Variants in HAT1 observed in about 807,000 individuals in gnomAD.
HAT1 encodes histone acetyltransferase type B catalytic subunit.
In HAT1, 20 loss-of-function variants were observed where a neutral mutation model predicts 56.6. That is an observed-to-expected ratio of 0.35 (90% CI 0.25 to 0.51). HAT1 has a LOEUF of 0.51. Among genes scored for constraint, HAT1 ranks in the 20% least tolerant of loss-of-function variants. The probability of loss-of-function intolerance (pLI) is 0.95; values close to 1 mark genes in which losing one functional copy is unlikely to be tolerated. For synonymous variants in HAT1, 146 were observed against 165.5 expected, an observed-to-expected ratio of 0.88 and a Z score of 0.91; for missense variants, 408 against 504.3, an observed-to-expected ratio of 0.81 and a Z score of 1.83.
intron 8 of HAT1, among the ~76,000 whole-genome samples, chr2:171,975,512 G>T (rs62183765): frequency 0.18 from 27,563 of 152,112 alleles, 2,865 homozygotes; most frequent in Non-Finnish European, 0.24. Context: ...ACTTGTCTTT[G>T]TGGGAAGATT....
chr2:171,970,629 C>T (rs1033027735), intron 8 of HAT1, among the ~76,000 whole-genome samples: 2 of 145,690 alleles, frequency 1.4e-5, no homozygotes, highest in Admixed American at 1.4e-4. Context: ...AAGCAATTCT[C>T]CTGCCTCAGC....
rs765177510 is a variant in HAT1 at position 171,983,242 on chromosome 2, A to G, written c.1150A>G (p.Asn384Asp). Residue 384 changes from asparagine to aspartate, a missense_variant, in exon 11 of 11, where the codon AAC becomes GAC. Coordinates refer to ENST00000264108, the MANE Select transcript of HAT1 (RefSeq NM_003642.4). ...RKCLRPEELT[N>D]QMNQIEISMQ... Reference sequence around the variant, plus strand: ...ATGTCTCAGACCAGAAGAACTGACAAACCAGATGAACCAAATAGAAATAAG... The same window carrying G: ...ATGTCTCAGACCAGAAGAACTGACAGACCAGATGAACCAAATAGAAATAAG... The G allele has an allele frequency of 6.2e-7, 1 of 1,603,590 alleles. No homozygotes were observed. The highest frequency in any genetic ancestry group is 1.1e-5 in the South Asian group (1 of 90,334).
chr2:171,929,175 T>C (rs2105964054), intron 2 of HAT1, among the ~76,000 whole-genome samples: 1 of 152,364 alleles, frequency 6.6e-6, no homozygotes, highest in East Asian at 1.9e-4. Flanking sequence ...TTCATAGTGG[T>C]TGTAAAGATT....
chr2:171,969,000 G>A (rs1574062396), intron 8 of HAT1, among the ~76,000 whole-genome samples: 3 of 152,284 alleles, frequency 2.0e-5, no homozygotes, highest in African/African-American at 7.2e-5. Context: ...ATGGGTGTTT[G>A]TGGTATAATT....
chr2:171,939,241 G>A (rs1364589705), intron 2 of HAT1, among the ~76,000 whole-genome samples: 1 of 152,216 alleles, frequency 6.6e-6, no homozygotes, highest in African/African-American at 2.4e-5. Context: ...CCAGCTGGAA[G>A]TAAGAGGACC....
At chr2:171,944,154 A>T (rs1687099191) in intron 2 of HAT1, among the ~76,000 whole-genome samples, 1 of 152,116 alleles carries the variant, frequency 6.6e-6, no homozygotes, top group Admixed American at 6.5e-5. Context: ...AAAAAAAAAA[A>T]AAAATACTTA....
chr2:171,937,403 C>T (rs1686897575), intron 2 of HAT1, among the ~76,000 whole-genome samples: 2 of 151,942 alleles, frequency 1.3e-5, no homozygotes, highest in Admixed American at 1.3e-4. Context: ...GACAGGGACA[C>T]AAAGATTGGA....
At chr2:171,933,760 A>G (rs1365150227) in intron 2 of HAT1, among the ~76,000 whole-genome samples, 2 of 152,208 alleles carry the variant, frequency 1.3e-5, no homozygotes, top group East Asian at 3.8e-4. Context: ...AAGGTCAGAC[A>G]ATATAGTCTT....
At chr2:171,957,239 A>G (rs1227572183) in intron 4 of HAT1, among the ~76,000 whole-genome samples, 1 of 152,212 alleles carries the variant, frequency 6.6e-6, no homozygotes, top group Non-Finnish European at 1.5e-5. Context: ...AAGTGGAAGA[A>G]TGACTCTGAG....
intron 4 of HAT1, 145 bp from the exon 5 acceptor site, chr2:171,965,193 C>T: frequency 1.7e-6 from 1 of 587,142 alleles, no homozygotes; most frequent in Non-Finnish European, 3.1e-6. Flanking sequence ...GAAGCTCATC[C>T]TTTTCCAATT....
At chr2:171,966,715 G>A (rs1320066299) in intron 7 of HAT1, 128 bp from the exon 8 acceptor site, 2 of 629,236 alleles carry the variant, frequency 3.2e-6, no homozygotes, top group South Asian at 2.0e-5. Flanking sequence ...TAATTTTTGG[G>A]TATCTCAAAG....
intron 10 of HAT1, among the ~76,000 whole-genome samples, chr2:171,982,554 G>T (rs958552967): frequency 5.3e-5 from 8 of 152,122 alleles, no homozygotes; most frequent in Non-Finnish European, 1.0e-4. Flanking sequence ...CATAAAAGTT[G>T]TTATCAGCTA....
At chr2:171,940,862 G>C (rs1470028797) in intron 2 of HAT1, among the ~76,000 whole-genome samples, 1 of 152,148 alleles carries the variant, frequency 6.6e-6, no homozygotes. Flanking sequence ...GGCAGTCTTA[G>C]AGTCTTCTGC....
intron 2 of HAT1, among the ~76,000 whole-genome samples, chr2:171,930,581 A>G (rs1003224848): frequency 1.3e-5 from 2 of 152,224 alleles, no homozygotes; most frequent in African/African-American, 4.8e-5. Context: ...GTATTCTGCA[A>G]CCTTGCTAAA....
At chr2:171,951,678 C>A (rs1373026658) in intron 3 of HAT1, among the ~76,000 whole-genome samples, 2 of 151,706 alleles carry the variant, frequency 1.3e-5, no homozygotes, top group African/African-American at 2.4e-5. Flanking sequence ...GTGATCCCCC[C>A]CCGCCTCAGC....
chr2:171,955,772 C>T (rs118154134), intron 4 of HAT1, among the ~76,000 whole-genome samples: 2,865 of 152,124 alleles, frequency 0.019, 59 homozygotes, highest in Admixed American at 0.068. Context: ...GAGCTGGATG[C>T]GTTGGCTCAT....
chr2:171,966,260 T>C, intron 6 of HAT1, 149 bp from the exon 7 acceptor site: 1 of 654,162 alleles, frequency 1.5e-6, no homozygotes, highest in Non-Finnish European at 2.8e-6. Context: ...AAGTGAATTG[T>C]ACATTCAGAA....
intron 4 of HAT1, among the ~76,000 whole-genome samples, chr2:171,961,179 C>T (rs1281243973): frequency 6.6e-6 from 1 of 152,000 alleles, no homozygotes; most frequent in Non-Finnish European, 1.5e-5. Flanking sequence ...ATGGCATGCT[C>T]CTGTAGTCCC....
chr2:171,958,577 C>T (rs1204733139), intron 4 of HAT1, among the ~76,000 whole-genome samples: 2 of 152,092 alleles, frequency 1.3e-5, no homozygotes, highest in African/African-American at 2.4e-5. Context: ...CACAAGCCAC[C>T]GTACCCAGCC....
Sources: gnomAD v4.1 joint callset for allele counts (sites outside exome capture counted in the v4.1 genomes callset) on GRCh38, gnomAD v4.1.1 for gene constraint, MANE v1.5 for transcripts, NCBI Gene and HGNC (gene_info 2026-07-23, HGNC 2026-07-21) for gene names.